PROX1: variants seen among roughly 807,000 people sequenced by gnomAD.
PROX1 encodes prospero homeobox 1, also known as prospero homeobox protein 1.
PROX1 carries 7 observed loss-of-function variants against 58.8 expected under a neutral mutation model. That is an observed-to-expected ratio of 0.12 (90% CI 0.07 to 0.22). The LOEUF is 0.22. Among genes scored for constraint, PROX1 ranks in the 10% least tolerant of loss-of-function variants. The pLI is 1.00. For missense variants in PROX1, 675 were observed against 927.8 expected, an observed-to-expected ratio of 0.73 and a Z score of 3.54; for synonymous variants, 350 against 358.3, an observed-to-expected ratio of 0.98 and a Z score of 0.26.
intron 2 of PROX1, among the ~76,000 whole-genome samples, chr1:213,999,300 C>T (rs1430283267): frequency 6.6e-6 from 1 of 151,866 alleles, no homozygotes; most frequent in African/African-American, 2.4e-5. Context: ...AAAATAGTAG[C>T]ATTTGGGGGC....
intron 2 of PROX1, among the ~76,000 whole-genome samples, chr1:214,002,772 A>C (rs1453401381): frequency 6.6e-6 from 1 of 152,224 alleles, no homozygotes; most frequent in East Asian, 1.9e-4. Context: ...GCTTTTCAGC[A>C]CAAGCACTTA....
At chr1:214,029,664 G>T (rs528889048) in intron 4 of PROX1, 1 of 152,066 alleles carries the variant, frequency 6.6e-6, no homozygotes, top group Admixed American at 6.6e-5. Flanking sequence ...TGAATTCCAC[G>T]GTGTGAAAAT....
At chr1:214,006,340 G>A (rs1663712042) in intron 3 of PROX1, among the ~76,000 whole-genome samples, 1 of 152,146 alleles carries the variant, frequency 6.6e-6, no homozygotes, top group Non-Finnish European at 1.5e-5. Context: ...CTTCACTGGT[G>A]TTTTATTTGG....
At chr1:214,002,105 C>G (rs879525480) in intron 2 of PROX1, among the ~76,000 whole-genome samples, 2 of 152,194 alleles carry the variant, frequency 1.3e-5, no homozygotes, top group African/African-American at 4.8e-5. Context: ...TTGCTGGGAA[C>G]TGCAGCACGT....
chr1:214,002,473 G>A (rs1325499326), intron 2 of PROX1, among the ~76,000 whole-genome samples: 1 of 98,994 alleles, frequency 1.0e-5, no homozygotes, highest in Admixed American at 1.4e-4. Flanking sequence ...TGTCTATTTT[G>A]CATTACACAT....
intron 4 of PROX1, among the ~76,000 whole-genome samples, chr1:214,012,199 T>C (rs752974366): frequency 1.1e-4 from 16 of 152,216 alleles, no homozygotes; most frequent in Non-Finnish European, 2.1e-4. Flanking sequence ...TTAGTCCCTT[T>C]GTGGAGGAAA....
intron 4 of PROX1, among the ~76,000 whole-genome samples, chr1:214,033,472 C>T (rs1664729931): frequency 6.6e-6 from 1 of 152,144 alleles, no homozygotes; most frequent in African/African-American, 2.4e-5. Context: ...ATGGCACTTG[C>T]CTGTAATCTC....
chr1:214,036,022 G>GTTGT lies in PROX1; in HGVS notation c.*191_*194dup. 2.1e-6 allele frequency: 1 copy of GTTGT among 487,140 alleles called. No individual in the cohort carries two copies. Among genetic ancestry groups the GTTGT allele is most frequent in the Non-Finnish European group, 3.4e-6 (1 of 295,904 alleles). The allele number at this position is 487,140 out of a possible 1,614,324, so 30.2% of individuals were successfully genotyped here. On this transcript the variant is annotated 3_prime_UTR_variant, in exon 5 of 5. Transcript: ENST00000366958. ...TTTTGTTTTCCATTGCAAGGGGATG[G>GTTGT]TTGTTTTCTTTCTGCCTTTAGTTTG...
In PROX1 at chr1:213,997,116, C is replaced by G; in HGVS notation, c.581C>G (p.Ala194Gly). 1 of 1,613,604 alleles carries G rather than the reference C, an allele frequency of 6.2e-7. No individual in the cohort carries two copies. The highest frequency in any genetic ancestry group is 8.5e-7 in the Non-Finnish European group (1 of 1,179,846). Residue 194 changes from alanine (A) to glycine (G), a missense_variant, in exon 2 of 5, where the codon GCC becomes GGC. Ala to Gly is a moderately conservative substitution (Grantham distance 60). This residue lies in a region of PROX1 where 403 missense variants were observed against 477.4 expected (regional missense o/e 0.84). Transcript: ENST00000366958. This position sits in a 1 kb window ranked among gnomAD's most constrained non-coding sequence, Gnocchi z 7.1. The part of the protein sequence containing the change: ...LRGNENEREM[A>G]PQSVSPRESY... The stretch of plus-strand genomic sequence containing the variant: ...GGCAATGAAAATGAAAGAGAGATGG[C>G]CCCGCAGTCTGTGAGTCCCCGAGAA...
chr1:214,017,564 C>CT (rs1236839584), intron 4 of PROX1, among the ~76,000 whole-genome samples: 4 of 147,438 alleles, frequency 2.7e-5, no homozygotes, highest in Admixed American at 1.4e-4. Flanking sequence ...GCTTTTCTCT[C>CT]TTTAAAAAAA....
intron 1 of PROX1, among the ~76,000 whole-genome samples, chr1:213,990,146 AAAAAG>A (rs1315547510): frequency 6.6e-6 from 1 of 151,172 alleles, no homozygotes; most frequent in Non-Finnish European, 1.5e-5. Flanking sequence ...AAAAAAAAAA[AAAAAG>A]AAAGAAAAGA....
Position 213,997,855 on chromosome 1 carries a change from C to T in PROX1, c.1320C>T (p.Pro440=), listed in dbSNP as rs759418143. Residue 440 remains proline, a synonymous_variant, in exon 2 of 5, where the codon CCC becomes CCT. Coordinates refer to ENST00000366958, the MANE Select transcript of PROX1 (RefSeq NM_001270616.2). This position sits in a 1 kb window ranked among gnomAD's most constrained non-coding sequence, Gnocchi z 7.1. ...CCACTGACCAGACAGAAGCACTGCCCCTGGTTGTCCGCAAAAACTCCTCTG... is the reference window on the plus strand; with the variant it reads ...CCACTGACCAGACAGAAGCACTGCCTCTGGTTGTCCGCAAAAACTCCTCTG... ...ASSTDQTEAL[P]LVVRKNSSDQ... 21 of 1,613,540 alleles carry T rather than the reference C, an allele frequency of 1.3e-5. No individual in the cohort carries two copies. The highest frequency in any genetic ancestry group is 2.7e-5 in the African/African-American group (2 of 74,938).
chr1:214,005,068 A>T, intron 2 of PROX1, 97 bp from the exon 3 acceptor site: 2 of 911,828 alleles, frequency 2.2e-6, no homozygotes, highest in South Asian at 3.1e-5. Context: ...CCGCAGCTTG[A>T]TGGACCCCCA....
chr1:213,994,407 C>T (rs1180122371), intron 1 of PROX1, among the ~76,000 whole-genome samples: 1 of 152,020 alleles, frequency 6.6e-6, no homozygotes, highest in Admixed American at 6.6e-5. Flanking sequence ...AGGTGATATA[C>T]ACACAGAAAA....
At position 214,027,158 on chromosome 1, in the gene PROX1, A is replaced by G. The variant is rs566580569; in HGVS notation, c.2029-8491A>G. On this transcript the variant is annotated intron_variant, in intron 4 of 4. Coordinates refer to ENST00000366958, the MANE Select transcript of PROX1 (RefSeq NM_001270616.2). ...TCTGGCTGACAAAAACCTTGGGGCT[A>G]TTGGGTGGCTCATCACTTCTGCTCC... 6.6e-5 allele frequency among the ~76,000 whole-genome samples: 10 copies of G among 152,140 alleles called. 1 individual carries two copies. The South Asian group carries it at 2.1e-3, about 32-fold the overall frequency.
chr1:214,012,530 C>T (rs993042184), intron 4 of PROX1, among the ~76,000 whole-genome samples: 7 of 152,178 alleles, frequency 4.6e-5, no homozygotes, highest in Non-Finnish European at 8.8e-5. Context: ...TTCATCACAA[C>T]GTGATGACTC....
chr1:214,024,744 C>T lies in PROX1; in HGVS notation c.2029-10905C>T, dbSNP rs116140127. 7.8e-3 allele frequency among the ~76,000 whole-genome samples: 1,193 copies of T among 152,294 alleles called. 8 individuals are homozygous for T. The highest frequency in any genetic ancestry group is 0.012 in the Non-Finnish European group (813 of 68,038). ...AACAATCACGTAATACATTCTCGAA[C>T]GAAACAGGAGTAACTGTGGATTATC... On this transcript the variant is annotated intron_variant, in intron 4 of 4. Coordinates refer to ENST00000366958, the MANE Select transcript of PROX1 (RefSeq NM_001270616.2).
At chr1:214,020,819 G>T (rs1305617305) in intron 4 of PROX1, among the ~76,000 whole-genome samples, 1 of 152,228 alleles carries the variant, frequency 6.6e-6, no homozygotes, top group African/African-American at 2.4e-5. Context: ...AAGGAGTTAA[G>T]TGTATATTTT....
chr1:214,004,557 T>C (rs1277961063), intron 2 of PROX1, among the ~76,000 whole-genome samples: 4 of 152,096 alleles, frequency 2.6e-5, no homozygotes, highest in Non-Finnish European at 4.4e-5. Flanking sequence ...AAACTACTCT[T>C]CCCAAGTTTT....
Sources: gnomAD v4.1 joint callset for allele counts (sites outside exome capture counted in the v4.1 genomes callset) on GRCh38, gnomAD v4.1.1 for gene constraint, gnomAD v4.1.1 regional missense constraint, Gnocchi (gnomAD v3.1) non-coding constraint, MANE v1.5 for transcripts, NCBI Gene and HGNC (gene_info 2026-07-23, HGNC 2026-07-21) for gene names.